DNAJC27: variants seen among roughly 807,000 people sequenced by gnomAD.
DNAJC27 encodes the protein dnaJ homolog subfamily C member 27.
DNAJC27 carries 25 observed loss-of-function variants against 31.4 expected under a neutral mutation model. The ratio of observed to expected loss-of-function variants is 0.80; its 90% confidence interval spans 0.58 to 1.11. The LOEUF (loss-of-function observed/expected upper bound fraction) is 1.11, where lower values mean the gene tolerates loss of function less well. Ranked by LOEUF, DNAJC27 falls within the 50% of genes most tolerant of loss-of-function variation. The pLI, the probability that DNAJC27 is intolerant of heterozygous loss-of-function variation, is 0.00. For missense variants in DNAJC27, 356 were observed against 347.3 expected (o/e 1.02, Z -0.20); for synonymous variants, 106 against 112.7 (o/e 0.94, Z 0.37).
At chr2:24,954,031 C>G (rs1401134536) in intron 5 of DNAJC27, among the ~76,000 whole-genome samples, 1 of 152,104 alleles carries the variant, frequency 6.6e-6, no homozygotes. Flanking sequence ...ATTTCCTGAC[C>G]ACATCACAGA....
rs182876550 is a variant in DNAJC27 at position 24,957,916 on chromosome 2, T to G, written c.299A>C (p.Gln100Pro). The G allele has an allele frequency of 1.9e-6, 3 of 1,614,196 alleles. No individual in the cohort carries two copies. Among genetic ancestry groups the G allele is most frequent in the East Asian group, 4.5e-5 (2 of 44,884 alleles). The change falls in exon 4 of 7, where the codon CAG becomes CCG. Residue 100 changes from glutamine (Q) to proline (P), a missense_variant. Transcript: ENST00000264711. ...QGVILVYDVG[Q>P]KDSFDALDAW... ...ATCAAGGGCGTCAAAGGAGTCTTTC[T>G]GCCCAACATCATAGACCAGTATCAC...
In DNAJC27 at chr2:24,945,121, T is replaced by C. The variant is rs1036196285; in HGVS notation, c.*2495A>G. On this transcript the variant is annotated 3_prime_UTR_variant, in exon 7 of 7. Transcript: ENST00000264711. The stretch of plus-strand genomic sequence containing the variant: ...GCATAGATGTCTGTGAAATTCTGCA[T>C]GAAGTTAGTGCCAAAAAAACCTTTC... 6.6e-6 allele frequency: 1 copy of C among 152,230 alleles called. No homozygotes were observed. The highest frequency in any genetic ancestry group is 1.5e-5 in the Non-Finnish European group (1 of 68,040). The allele number at this position is 152,230 out of a possible 1,614,324, so 9.4% of individuals were successfully genotyped here.
chr2:24,951,618 C>T (rs1310969834), intron 5 of DNAJC27, 64 bp from the exon 6 acceptor site: 3 of 1,435,318 alleles, frequency 2.1e-6, no homozygotes, highest in Non-Finnish European at 2.9e-6. Flanking sequence ...TCCTTTTAAG[C>T]ATCAACTTAA....
At chr2:24,967,110 T>C (rs955160070) in intron 2 of DNAJC27, 101 bp downstream of exon 2, 29 of 857,324 alleles carry the variant, frequency 3.4e-5, no homozygotes, top group Admixed American at 2.7e-4. Context: ...AAGTCTCCAT[T>C]TCAAGATTAC....
intron 3 of DNAJC27, among the ~76,000 whole-genome samples, chr2:24,960,757 T>C (rs1293405275): frequency 1.3e-5 from 2 of 152,222 alleles, no homozygotes; most frequent in Non-Finnish European, 2.9e-5. Context: ...ACTCTCTTCA[T>C]TTCCATGAAG....
rs1207644994 is a variant in DNAJC27 at position 24,946,004 on chromosome 2, C to T, written c.*1612G>A. The T allele has an allele frequency of 1.3e-5, 2 of 152,154 alleles. No individual in the cohort carries two copies. Among genetic ancestry groups the T allele is most frequent in the Non-Finnish European group, 2.9e-5 (2 of 68,032 alleles). The allele number at this position is 152,154 out of a possible 1,614,324, so 9.4% of individuals were successfully genotyped here. A position where few individuals can be genotyped will look rare whatever the true frequency, so the allele number is the denominator to read the frequency against. On this transcript the variant is annotated 3_prime_UTR_variant, in exon 7 of 7. Transcript: ENST00000264711. ...ATATACTTTCAAGCCCCAATTAGTA[C>T]AGCTAATTGAAAGTATATAAAAATG... is the stretch of plus-strand genomic sequence containing the variant.
chr2:24,958,032 T>C lies in DNAJC27; in HGVS notation c.241-58A>G, dbSNP rs1665950793. 2.6e-6 allele frequency: 4 copies of C among 1,518,950 alleles called. No homozygotes were observed. The African/African-American group carries it at 4.1e-5, about 16-fold the overall frequency. The allele number at this position is 1,518,950 out of a possible 1,614,324, so 94.1% of individuals were successfully genotyped here. A position where few individuals can be genotyped will look rare whatever the true frequency, so the allele number is the denominator to read the frequency against. ...GTTTTTGTGATGTTATAAGAATGTA[T>C]CTCACAGTCATTAACCTGGCAAAGT... On this transcript the variant is annotated intron_variant, in intron 3 of 6. Coordinates refer to ENST00000264711, the MANE Select transcript of DNAJC27 (RefSeq NM_016544.3).
intron 5 of DNAJC27, among the ~76,000 whole-genome samples, chr2:24,952,450 GTAT>G (rs1350437626): frequency 6.6e-6 from 1 of 152,228 alleles, no homozygotes; most frequent in Admixed American, 6.5e-5. Context: ...TGACTGTTCA[GTAT>G]TGTATTGTGT....
intron 3 of DNAJC27, among the ~76,000 whole-genome samples, chr2:24,960,811 G>C (rs1260334465): frequency 6.6e-6 from 1 of 152,242 alleles, no homozygotes; most frequent in Non-Finnish European, 1.5e-5. Flanking sequence ...TCAGAAGCTA[G>C]CAGTTGTTGG....
intron 5 of DNAJC27, among the ~76,000 whole-genome samples, chr2:24,952,645 TGC>T (rs917584430): frequency 5.9e-5 from 9 of 152,126 alleles, no homozygotes; most frequent in African/African-American, 2.2e-4. Flanking sequence ...AAAGAGTATA[TGC>T]GCATTTTAAT....
At position 24,943,855 on chromosome 2, in the gene DNAJC27, C is replaced by A; in HGVS notation, c.*3761G>T. 1 of 152,784 alleles carries A rather than the reference C, an allele frequency of 6.5e-6. No individual in the cohort carries two copies. The highest frequency in any genetic ancestry group is 1.5e-5 in the Non-Finnish European group (1 of 68,064). The allele number at this position is 152,784 out of a possible 1,614,324, so 9.5% of individuals were successfully genotyped here. A position where few individuals can be genotyped will look rare whatever the true frequency, so the allele number is the denominator to read the frequency against. On this transcript the variant is annotated 3_prime_UTR_variant, in exon 7 of 7. Coordinates refer to ENST00000264711, the MANE Select transcript of DNAJC27 (RefSeq NM_016544.3). ...AGGGGCAATCAATGCAGGAAGCTAA[C>A]CAACACTGTCCAGCTCTCCAGCAAA...
rs1665684022 is a variant in DNAJC27, at chr2:24,947,863, C to G, written c.690-115G>C. The G allele has an allele frequency of 2.5e-6, 3 of 1,220,372 alleles. No individual in the cohort carries two copies. The African/African-American group carries it at 4.5e-5, about 18-fold the overall frequency. 75.6% of individuals were successfully genotyped at this position (1,220,372 alleles called of 1,614,324 possible). On this transcript the variant is annotated intron_variant, in intron 6 of 6. Coordinates refer to ENST00000264711, the MANE Select transcript of DNAJC27 (RefSeq NM_016544.3). ...AGTGAACATATCCTAAATTATTACCCTTTCTCAAAGGCAGGATTAAAGGAC... is the reference window on the plus strand; with the variant it reads ...AGTGAACATATCCTAAATTATTACCGTTTCTCAAAGGCAGGATTAAAGGAC...
intron 3 of DNAJC27, among the ~76,000 whole-genome samples, chr2:24,962,508 G>A (rs560835382): frequency 7.9e-5 from 12 of 152,086 alleles, no homozygotes; most frequent in Admixed American, 4.6e-4. Context: ...CACCCTTCTC[G>A]GCCTCCCAAA....
chr2:24,949,361 C>G (rs557832986), intron 6 of DNAJC27, among the ~76,000 whole-genome samples: 19 of 152,328 alleles, frequency 1.2e-4, no homozygotes, highest in African/African-American at 4.6e-4. Flanking sequence ...TCTGCCTCCC[C>G]AGAGAGGGTG....
intron 3 of DNAJC27, among the ~76,000 whole-genome samples, chr2:24,961,422 A>T (rs1666037536): frequency 6.6e-6 from 1 of 152,198 alleles, no homozygotes; most frequent in Non-Finnish European, 1.5e-5. Context: ...TCCATTCTGC[A>T]ACCCATGGAT....
Position 24,971,908 on chromosome 2 carries a change from C to T in DNAJC27, c.-4G>A. On this transcript the variant is annotated 5_prime_UTR_variant, in exon 1 of 7. Transcript: ENST00000264711. ...GCTTCGGCATGTTGGCCTCCATGGC[C>T]CTGGCTCTCTCGGGGCCACCCGCCT... 1 of 1,587,944 alleles carries T rather than the reference C, an allele frequency of 6.3e-7. No individual in the cohort carries two copies. The highest frequency in any genetic ancestry group is 8.5e-7 in the Non-Finnish European group (1 of 1,169,882).
chr2:24,970,670 G>C (rs1278860353), intron 1 of DNAJC27, among the ~76,000 whole-genome samples: 1 of 151,318 alleles, frequency 6.6e-6, no homozygotes, highest in Non-Finnish European at 1.5e-5. Flanking sequence ...CACTATGCTG[G>C]TCTTGAACTC....
At chr2:24,957,374 C>T (rs1324138110) in intron 4 of DNAJC27, among the ~76,000 whole-genome samples, 1 of 152,168 alleles carries the variant, frequency 6.6e-6, no homozygotes, top group East Asian at 1.9e-4. Flanking sequence ...AGGACTAGTG[C>T]CTGCTGCTGC....
intron 3 of DNAJC27, among the ~76,000 whole-genome samples, chr2:24,961,016 A>T (rs1666026961): frequency 6.6e-6 from 1 of 152,248 alleles, no homozygotes; most frequent in Non-Finnish European, 1.5e-5. Context: ...AGAAGATGAT[A>T]TCTAGGACTT....
Sources: gnomAD v4.1 joint callset for allele counts (sites outside exome capture counted in the v4.1 genomes callset) on GRCh38, gnomAD v4.1.1 for gene constraint, MANE v1.5 for transcripts, NCBI Gene and HGNC (gene_info 2026-07-23, HGNC 2026-07-21) for gene names.